The following CACNA2D3 variants were observed in gnomAD, a reference collection of about 807,000 sequenced individuals.
CACNA2D3 encodes calcium voltage-gated channel auxiliary subunit alpha2delta 3.
In CACNA2D3, 60 loss-of-function variants were observed where a neutral mutation model predicts 160.6. The ratio of observed to expected loss-of-function variants is 0.37; its 90% CI spans 0.30 to 0.46. CACNA2D3 has a LOEUF of 0.46. Among genes scored for constraint, CACNA2D3 ranks in the 20% least tolerant of loss-of-function variants. CACNA2D3 has a pLI of 1.00. For synonymous variants in CACNA2D3, 558 were observed against 492.9 expected (o/e 1.13, Z -1.75); for missense variants, 1,205 against 1,365.0 (o/e 0.88, Z 1.85).
intron 4 of CACNA2D3, among the ~76,000 whole-genome samples, chr3:54,464,868 G>A (rs536982057): frequency 2.6e-5 from 4 of 152,304 alleles, no homozygotes; most frequent in South Asian, 2.1e-4. Flanking sequence ...CTTCTGCGTC[G>A]CTTACGCTGG....
At chr3:54,499,582 A>G (rs1352899193) in intron 4 of CACNA2D3, among the ~76,000 whole-genome samples, 1 of 152,126 alleles carries the variant, frequency 6.6e-6, no homozygotes, top group Non-Finnish European at 1.5e-5. Flanking sequence ...CTTTTGCTAC[A>G]TCCCACACCT....
At chr3:54,710,974 G>A (rs1559555599) in intron 11 of CACNA2D3, among the ~76,000 whole-genome samples, 1 of 152,160 alleles carries the variant, frequency 6.6e-6, no homozygotes, top group Non-Finnish European at 1.5e-5. Flanking sequence ...CAGTGTCACT[G>A]TCATTCATCT....
In CACNA2D3 at chr3:54,950,683, A is replaced by G. The variant is rs190150386; in HGVS notation, c.2450-17767A>G. ...TCCTTATCTAGGACCCAGGTTCTCT[A>G]CTCACGAAAGGAACCCGTTCTTTTA... On this transcript the variant is annotated intron_variant, in intron 27 of 37. Transcript: ENST00000474759. 1.8e-4 allele frequency among the ~76,000 whole-genome samples: 27 copies of G among 152,156 alleles called. 1 individual carries two copies. The East Asian group carries it at 5.0e-3, about 28-fold the overall frequency.
At chr3:54,810,802 C>T (rs1248077922) in intron 13 of CACNA2D3, among the ~76,000 whole-genome samples, 2 of 152,312 alleles carry the variant, frequency 1.3e-5, no homozygotes, top group South Asian at 2.1e-4. Context: ...CCTTCAATCA[C>T]CCCCATGGGT....
chr3:54,667,925 C>T (rs757470252), intron 11 of CACNA2D3, among the ~76,000 whole-genome samples: 22 of 144,142 alleles, frequency 1.5e-4, no homozygotes, highest in East Asian at 2.0e-4. Flanking sequence ...CCAGCCTGGG[C>T]GACAGAATGA....
intron 3 of CACNA2D3, among the ~76,000 whole-genome samples, chr3:54,358,181 T>C (rs1698681755): frequency 6.6e-6 from 1 of 152,210 alleles, no homozygotes; most frequent in African/African-American, 2.4e-5. Flanking sequence ...GGAGTTCTAT[T>C]TTCTTCTCAA....
At chr3:54,364,368 A>G (rs77200660) in intron 3 of CACNA2D3, among the ~76,000 whole-genome samples, 4 of 152,330 alleles carry the variant, frequency 2.6e-5, no homozygotes, top group Non-Finnish European at 5.9e-5. Context: ...AGCAATATCT[A>G]ATTATTCTTG....
At chr3:54,600,199 G>A (rs1703036470) in intron 9 of CACNA2D3, among the ~76,000 whole-genome samples, 1 of 152,158 alleles carries the variant, frequency 6.6e-6, no homozygotes, top group African/African-American at 2.4e-5. Flanking sequence ...CTGAAAAATA[G>A]TGGAAGAAAC....
chr3:55,069,266 A>G (rs1418527089), intron 35 of CACNA2D3, among the ~76,000 whole-genome samples: 7 of 152,198 alleles, frequency 4.6e-5, no homozygotes, highest in East Asian at 1.9e-4. Context: ...TCCTAGAATC[A>G]TGTTCTCAAA....
intron 4 of CACNA2D3, among the ~76,000 whole-genome samples, chr3:54,459,461 A>G (rs1374545283): frequency 1.3e-5 from 2 of 149,848 alleles, no homozygotes; most frequent in Non-Finnish European, 3.0e-5. Flanking sequence ...AATGATCGCC[A>G]TTCTAACTGG....
At chr3:55,031,411 A>G (rs549425751) in intron 35 of CACNA2D3, among the ~76,000 whole-genome samples, 2 of 152,312 alleles carry the variant, frequency 1.3e-5, no homozygotes, top group African/African-American at 4.8e-5. Flanking sequence ...TTAAAAACCC[A>G]TCTGATGTAT....
intron 29 of CACNA2D3, among the ~76,000 whole-genome samples, chr3:54,983,181 T>C (rs901703239): frequency 6.6e-6 from 1 of 152,332 alleles, no homozygotes; most frequent in Non-Finnish European, 1.5e-5. Flanking sequence ...TCTAAGACAT[T>C]GCTGTCCAGA....
intron 25 of CACNA2D3, among the ~76,000 whole-genome samples, chr3:54,895,986 C>T (rs1050811733): frequency 6.6e-6 from 1 of 152,170 alleles, no homozygotes; most frequent in Non-Finnish European, 1.5e-5. Context: ...AAATAAAAGG[C>T]TATATGAAAG....
chr3:54,691,200 C>T (rs551683258), intron 11 of CACNA2D3, among the ~76,000 whole-genome samples: 24 of 152,266 alleles, frequency 1.6e-4, no homozygotes, highest in Middle Eastern at 3.4e-3. Context: ...AACGAAGCTA[C>T]GCTGCAGAGT....
intron 35 of CACNA2D3, among the ~76,000 whole-genome samples, chr3:55,050,464 G>A (rs921918576): frequency 8.6e-5 from 13 of 151,178 alleles, no homozygotes; most frequent in Non-Finnish European, 1.3e-4. Context: ...AGTTTCTGCC[G>A]AGAGATCCGC....
chr3:54,945,992 C>A (rs1422032053), intron 27 of CACNA2D3, among the ~76,000 whole-genome samples: 3 of 152,188 alleles, frequency 2.0e-5, no homozygotes, highest in Non-Finnish European at 4.4e-5. Flanking sequence ...GCTTATTCGC[C>A]TAGCTCTTTC....
At chr3:54,183,085 C>A (rs544982537) in intron 2 of CACNA2D3, among the ~76,000 whole-genome samples, 2 of 152,120 alleles carry the variant, frequency 1.3e-5, no homozygotes, top group East Asian at 1.9e-4. Flanking sequence ...CATTCCCCCC[C>A]CAAAATATTT....
At chr3:54,969,710 G>A in intron 28 of CACNA2D3, 90 bp from the exon 29 acceptor site, 2 of 1,031,928 alleles carry the variant, frequency 1.9e-6, no homozygotes, top group Non-Finnish European at 1.5e-6. Flanking sequence ...TGGATAGCTT[G>A]TCCTTAAGTA....
chr3:54,806,858 A>G (rs1433434492), intron 13 of CACNA2D3, among the ~76,000 whole-genome samples: 1 of 152,200 alleles, frequency 6.6e-6, no homozygotes, highest in African/African-American at 2.4e-5. Flanking sequence ...AAACAGAGAT[A>G]TAGATCAATG....
Sources: gnomAD v4.1 joint callset for allele counts (sites outside exome capture counted in the v4.1 genomes callset) on GRCh38, gnomAD v4.1.1 for gene constraint, MANE v1.5 for transcripts, NCBI Gene and HGNC (gene_info 2026-07-23, HGNC 2026-07-21) for gene names.